The following ATF7 variants were observed in gnomAD, a reference collection of about 807,000 sequenced individuals.
ATF7 encodes activating transcription factor 7.
Under a neutral mutation model 50.4 loss-of-function variants are expected in ATF7, and 10 were observed. The observed-to-expected ratio is 0.20, with a 90% CI of 0.12 to 0.34. The LOEUF (loss-of-function observed/expected upper bound fraction) is 0.34, where lower values mean the gene tolerates loss of function less well. Ranked by LOEUF, ATF7 falls within the 10% of genes least tolerant of loss-of-function variation. ATF7 has a pLI of 1.00. For synonymous variants in ATF7, 201 were observed against 226.4 expected (o/e 0.89, Z 1.01); for missense variants, 465 against 613.9 (o/e 0.76, Z 2.56).
rs747755290 is a variant in ATF7, at chr12:53,517,319, G to C, written c.1270C>G (p.Pro424Ala). The C allele has an allele frequency of 6.2e-7, 1 of 1,613,946 alleles. No individual in the cohort carries two copies. The highest frequency in any genetic ancestry group is 2.2e-5 in the East Asian group (1 of 44,884). ...PKESSEPTGS[P>A]APVIQHSSAT... The stretch of plus-strand genomic sequence containing the variant: ...GAGCTGTGCTGAATCACAGGGGCTG[G>C]AGAACCCGTTGGCTCTGAGCTTTCC... The change falls in exon 12 of 12, where the codon CCA becomes GCA. Residue 424 changes from proline to alanine, a missense_variant. Physicochemically the swap from Pro to Ala is conservative, Grantham distance 27 (BLOSUM62 -1). Coordinates refer to ENST00000420353, the MANE Select transcript of ATF7 (RefSeq NM_006856.3).
downstream of ATF7, among the ~76,000 whole-genome samples, chr12:53,508,941 C>T (rs970308287): frequency 6.6e-6 from 1 of 152,214 alleles, no homozygotes; most frequent in Non-Finnish European, 1.5e-5. Flanking sequence ...CTGGCCCTGG[C>T]TCTCATATAG....
At chr12:53,541,225 A>T (rs966415366) in intron 4 of ATF7, among the ~76,000 whole-genome samples, 2 of 152,112 alleles carry the variant, frequency 1.3e-5, no homozygotes, top group African/African-American at 2.4e-5. Flanking sequence ...TCCCATGGAA[A>T]TTTTTTCTTA....
chr12:53,592,628 T>C (rs1942994090), intron 2 of ATF7, among the ~76,000 whole-genome samples: 1 of 152,128 alleles, frequency 6.6e-6, no homozygotes, highest in African/African-American at 2.4e-5. Context: ...AGATACCCAA[T>C]TTCTGTTTAA....
intron 9 of ATF7, among the ~76,000 whole-genome samples, chr12:53,526,304 G>C (rs1938467265): frequency 6.6e-6 from 1 of 150,904 alleles, no homozygotes; most frequent in Admixed American, 6.6e-5. Context: ...CCCTGAGACA[G>C]CAAGACCAAG....
intron 2 of ATF7, among the ~76,000 whole-genome samples, chr12:53,567,941 A>T (rs893208315): frequency 7.9e-5 from 12 of 152,230 alleles, no homozygotes; most frequent in African/African-American, 2.2e-4. Context: ...GTTATGAGGT[A>T]CAAAATCCTT....
chr12:53,529,733 A>ACACACACACACACACT (rs1938743057), intron 9 of ATF7, among the ~76,000 whole-genome samples: 1 of 147,840 alleles, frequency 6.8e-6, no homozygotes, highest in Non-Finnish European at 1.5e-5. Flanking sequence ...ACACACACAC[A>ACACACACACACACACT]CATATATATA....
intron 2 of ATF7, among the ~76,000 whole-genome samples, chr12:53,590,303 C>T (rs1565983931): frequency 6.6e-6 from 1 of 152,158 alleles, no homozygotes; most frequent in Non-Finnish European, 1.5e-5. Flanking sequence ...CATAGTTTTC[C>T]AAGAACTTAG....
intron 2 of ATF7, among the ~76,000 whole-genome samples, chr12:53,599,473 A>C (rs201452907): frequency 6.7e-6 from 1 of 150,162 alleles, no homozygotes; most frequent in South Asian, 2.1e-4. Context: ...TATATATTCT[A>C]TATATATATA....
chr12:53,596,329 G>A (rs917824486), intron 2 of ATF7, among the ~76,000 whole-genome samples: 15 of 152,082 alleles, frequency 9.9e-5, no homozygotes, highest in Admixed American at 9.8e-4. Context: ...AAGGATGGAG[G>A]TGATACAAAA....
At position 53,513,453 on chromosome 12, in the gene ATF7, G is replaced by C. The variant is rs1339269023; in HGVS notation, c.*3684C>G. 6.6e-6 allele frequency: 1 copy of C among 152,050 alleles called. No homozygotes were observed. The highest frequency in any genetic ancestry group is 1.5e-5 in the Non-Finnish European group (1 of 68,038). The allele number at this position is 152,050 out of a possible 1,614,324, so 9.4% of individuals were successfully genotyped here. A position where few individuals can be genotyped will look rare whatever the true frequency, so the allele number is the denominator to read the frequency against. ...GAGGGAGTCCTTTAATCTGCCTTAG[G>C]ATCCCCACCTTTCCTGTTCTTCCAG... On this transcript the variant is annotated 3_prime_UTR_variant, in exon 12 of 12. Transcript: ENST00000420353.
chr12:53,556,463 G>C (rs775872912), intron 2 of ATF7, among the ~76,000 whole-genome samples: 1 of 152,120 alleles, frequency 6.6e-6, no homozygotes, highest in African/African-American at 2.4e-5. Context: ...GAGAATAAAA[G>C]TTTACTGAAG....
At position 53,513,481 on chromosome 12, in the gene ATF7, A is replaced by G. The variant is rs1944193516; in HGVS notation, c.*3656T>C. On this transcript the variant is annotated 3_prime_UTR_variant, in exon 12 of 12. Transcript: ENST00000420353. ...CCCCACCTTTCCTGTTCTTCCAGAC[A>G]CCCCCACCCCCGTCAAACATTAAGT... 1 of 151,910 alleles carries G rather than the reference A, an allele frequency of 6.6e-6. No homozygotes were observed. Among genetic ancestry groups the G allele is most frequent in the African/African-American group, 2.4e-5 (1 of 41,346 alleles). 9.4% of individuals were successfully genotyped at this position (151,910 alleles called of 1,614,324 possible).
At chr12:53,566,920 ATTTTT>A (rs1334849172) in intron 2 of ATF7, among the ~76,000 whole-genome samples, 1 of 151,888 alleles carries the variant, frequency 6.6e-6, no homozygotes, top group Non-Finnish European at 1.5e-5. Context: ...TGCCCAGCTA[ATTTTT>A]GTATTTTTAG....
chr12:53,523,805 A>C (rs1031464526), intron 10 of ATF7, among the ~76,000 whole-genome samples: 3 of 152,166 alleles, frequency 2.0e-5, no homozygotes, highest in Non-Finnish European at 4.4e-5. Context: ...TACACTACAG[A>C]ATATACTACT....
chr12:53,625,476 C>T (rs1005217463), intron 1 of ATF7, among the ~76,000 whole-genome samples: 2 of 152,208 alleles, frequency 1.3e-5, no homozygotes, highest in African/African-American at 4.8e-5. Context: ...CCAAACACCT[C>T]TTATCGCTCT....
At chr12:53,581,362 C>T (rs1942416041) in intron 2 of ATF7, among the ~76,000 whole-genome samples, 1 of 152,004 alleles carries the variant, frequency 6.6e-6, no homozygotes, top group African/African-American at 2.4e-5. Context: ...TAATTAACAT[C>T]TATAGATTAA....
chr12:53,592,649 GTTATC>G (rs1259413574), intron 2 of ATF7, among the ~76,000 whole-genome samples: 1 of 151,936 alleles, frequency 6.6e-6, no homozygotes, highest in Admixed American at 6.6e-5. Flanking sequence ...AACATGTGTT[GTTATC>G]TTATGATAGC....
At chr12:53,569,774 G>A (rs1010681445) in intron 2 of ATF7, among the ~76,000 whole-genome samples, 15 of 151,670 alleles carry the variant, frequency 9.9e-5, no homozygotes, top group Non-Finnish European at 1.5e-4. Flanking sequence ...CGCCTCCCTC[G>A]TTCAAAGGAT....
intron 2 of ATF7, among the ~76,000 whole-genome samples, chr12:53,570,748 T>C (rs957154848): frequency 6.6e-6 from 1 of 150,434 alleles, no homozygotes; most frequent in Non-Finnish European, 1.5e-5. Flanking sequence ...TGTGTGTGTG[T>C]GTGTGTGTGT....
Sources: gnomAD v4.1 joint callset for allele counts (sites outside exome capture counted in the v4.1 genomes callset) on GRCh38, gnomAD v4.1.1 for gene constraint, MANE v1.5 for transcripts, NCBI Gene and HGNC (gene_info 2026-07-23, HGNC 2026-07-21) for gene names.